The following PTPRA variants were observed in gnomAD, a reference collection of about 807,000 sequenced individuals.
PTPRA encodes receptor-type tyrosine-protein phosphatase alpha.
Under a neutral mutation model 104.8 loss-of-function variants are expected in PTPRA, and 25 were observed. The ratio of observed to expected loss-of-function variants is 0.24; its 90% CI spans 0.17 to 0.33. The LOEUF (loss-of-function observed/expected upper bound fraction) is 0.33. Among genes scored for constraint, PTPRA ranks in the 10% least tolerant of loss-of-function variants. The pLI is 1.00. For missense variants in PTPRA, 765 were observed against 1,015.3 expected, an observed-to-expected ratio of 0.75 and a Z score of 3.35; for synonymous variants, 323 against 368.9, an observed-to-expected ratio of 0.88 and a Z score of 1.43.
chr20:3,021,433 T>C lies in PTPRA; in HGVS notation c.1161+5T>C. ...CGGAAGTTCTGCATCCAGCAGGTAGTGTCTCCTCTGTCCTTTCTCAGTTCT... is the reference window on the plus strand; with the variant it reads ...CGGAAGTTCTGCATCCAGCAGGTAGCGTCTCCTCTGTCCTTTCTCAGTTCT... On this transcript the variant is annotated splice_donor_5th_base_variant and intron_variant, in intron 14 of 23. Coordinates refer to ENST00000399903, the MANE Select transcript of PTPRA (RefSeq NM_001385305.1). The C allele has an allele frequency of 1.2e-6, 2 of 1,613,892 alleles. No homozygotes were observed. Among genetic ancestry groups the C allele is most frequent in the Non-Finnish European group, 1.7e-6 (2 of 1,179,818 alleles).
Position 2,923,228 on chromosome 20 carries a change from A to G in PTPRA, c.-107A>G. The stretch of plus-strand genomic sequence containing the variant: ...GCAGGTGACACAACTAAAAAAAAAC[A>G]AAGGTATTTATGGAATTCCACTGAG... On this transcript the variant is annotated 5_prime_UTR_variant, in exon 2 of 24. Coordinates refer to ENST00000399903, the MANE Select transcript of PTPRA (RefSeq NM_001385305.1). 1.6e-6 allele frequency: 2 copies of G among 1,260,394 alleles called. No homozygotes were observed. The highest frequency in any genetic ancestry group is 2.1e-6 in the Non-Finnish European group (2 of 973,386). 78.1% of individuals were successfully genotyped at this position (1,260,394 alleles called of 1,614,324 possible).
intron 5 of PTPRA, among the ~76,000 whole-genome samples, chr20:2,970,532 A>G (rs1393853765): frequency 1.3e-5 from 2 of 151,992 alleles, no homozygotes; most frequent in African/African-American, 4.8e-5. Flanking sequence ...TTCTTTACCC[A>G]TTTTTATTAG....
At chr20:2,959,170 T>A (rs1187013120) in intron 3 of PTPRA, among the ~76,000 whole-genome samples, 1 of 152,210 alleles carries the variant, frequency 6.6e-6, no homozygotes, top group Non-Finnish European at 1.5e-5. Context: ...TAACTTCTGA[T>A]GTGTCTTTTC....
intron 9 of PTPRA, among the ~76,000 whole-genome samples, chr20:2,995,697 T>C (rs1261582216): frequency 6.6e-6 from 1 of 152,294 alleles, no homozygotes; most frequent in African/African-American, 2.4e-5. Context: ...ACTCGCAAAA[T>C]TTGGAAACCT....
chr20:2,864,263 A>G, the PTPRA span: 3 of 1,614,112 alleles, frequency 1.9e-6, no homozygotes, highest in Non-Finnish European at 8.5e-7. This position sits in a 1 kb window ranked among gnomAD's most constrained non-coding sequence, Gnocchi z 5.2. Flanking sequence ...AAGCAAGGCC[A>G]TCGAGAGCGG....
Position 3,035,825 on chromosome 20 carries a change from C to T in PTPRA, c.2082C>T (p.Phe694=), listed in dbSNP as rs1364023000. The T allele has an allele frequency of 6.2e-7, 1 of 1,614,222 alleles. No homozygotes were observed. The highest frequency in any genetic ancestry group is 8.5e-7 in the Non-Finnish European group (1 of 1,180,038). The change falls in exon 22 of 24, where the codon TTC becomes TTT. Residue 694 remains phenylalanine, a synonymous_variant. Coordinates refer to ENST00000399903, the MANE Select transcript of PTPRA (RefSeq NM_001385305.1). The surrounding 1 kb of genome is among the most constrained non-coding windows in gnomAD (Gnocchi z 5.8). ...GCCGGCAGATCCGGCAGTTCCACTT[C>T]CATGGCTGGCCTGAAGTGGGCATCC... ...NKSRQIRQFH[F]HGWPEVGIPS... is the part of the protein sequence containing the mutation.
At chr20:2,897,049 G>A (rs1439224234) in intron 1 of PTPRA, among the ~76,000 whole-genome samples, 2 of 152,176 alleles carry the variant, frequency 1.3e-5, no homozygotes, top group African/African-American at 4.8e-5. Flanking sequence ...CCAAAGACAC[G>A]ATATTATGTT....
chr20:2,959,873 C>T (rs2061684544), intron 3 of PTPRA, among the ~76,000 whole-genome samples: 1 of 152,124 alleles, frequency 6.6e-6, no homozygotes, highest in African/African-American at 2.4e-5. Flanking sequence ...ATCTCTTGAA[C>T]CTGGGAGGTG....
chr20:2,969,978 T>TAATAAATAAACA (rs2062115836), intron 5 of PTPRA, among the ~76,000 whole-genome samples: 1 of 149,990 alleles, frequency 6.7e-6, no homozygotes, highest in Admixed American at 6.6e-5. Flanking sequence ...TCTAAATAAA[T>TAATAAATAAACA]AATAAATAAA....
intron 2 of PTPRA, among the ~76,000 whole-genome samples, chr20:2,947,725 C>T (rs1241212688): frequency 6.6e-6 from 1 of 152,126 alleles, no homozygotes; most frequent in Non-Finnish European, 1.5e-5. Context: ...ATGAACAACC[C>T]CCCTGGAAAG....
chr20:2,940,707 AATT>A (rs2060879709), intron 2 of PTPRA, among the ~76,000 whole-genome samples: 1 of 152,200 alleles, frequency 6.6e-6, no homozygotes, highest in Non-Finnish European at 1.5e-5. Context: ...GAAAAAAAGA[AATT>A]ATATGAAATT....
intron 1 of PTPRA, among the ~76,000 whole-genome samples, chr20:2,907,020 A>G (rs548654040): frequency 3.3e-5 from 5 of 152,308 alleles, no homozygotes; most frequent in African/African-American, 1.2e-4. Context: ...AAGAAACTAT[A>G]TCCACTGCAA....
chr20:2,943,214 C>A lies in PTPRA; in HGVS notation c.-49-4768C>A, dbSNP rs980991034. On this transcript the variant is annotated intron_variant, in intron 2 of 23. Coordinates refer to ENST00000399903, the MANE Select transcript of PTPRA (RefSeq NM_001385305.1). ...GGGAGTCTTGGAACATATCCCCCCA[C>A]CCCCCCCCCAGATAAGGGGGTAGTA... Among the ~76,000 whole-genome samples, 14 of 36,382 alleles carry A rather than the reference C, an allele frequency of 3.8e-4. No homozygotes were observed. In the East Asian group the frequency reaches 6.8e-3, roughly 18 times the overall value. 23.9% of individuals were successfully genotyped at this position (36,382 alleles called of 152,430 possible). A position where few individuals can be genotyped will look rare whatever the true frequency, so the allele number is the denominator to read the frequency against.
chr20:2,987,170 A>G (rs1465268080), intron 7 of PTPRA, among the ~76,000 whole-genome samples: 1 of 152,032 alleles, frequency 6.6e-6, no homozygotes, highest in African/African-American at 2.4e-5. Flanking sequence ...CAGGTGTTAC[A>G]GGATCTCTAG....
intron 9 of PTPRA, among the ~76,000 whole-genome samples, chr20:3,000,660 G>A (rs2063586639): frequency 6.6e-6 from 1 of 152,008 alleles, no homozygotes; most frequent in South Asian, 2.1e-4. Context: ...GAATGGATAA[G>A]TAAATTTTAA....
intron 1 of PTPRA, among the ~76,000 whole-genome samples, chr20:2,905,091 C>T (rs2059375142): frequency 6.6e-6 from 1 of 152,162 alleles, no homozygotes; most frequent in Non-Finnish European, 1.5e-5. Flanking sequence ...CATAGGAGCA[C>T]AAACCCTACT....
At chr20:2,945,496 AC>A (rs2061090345) in intron 2 of PTPRA, among the ~76,000 whole-genome samples, 1 of 151,994 alleles carries the variant, frequency 6.6e-6, no homozygotes, top group Non-Finnish European at 1.5e-5. Flanking sequence ...TGTGTGGAGT[AC>A]TTTGCTAGAT....
In PTPRA at chr20:2,883,608, C is replaced by T. The variant is rs1163313294; in HGVS notation, c.-129+9848C>T. 4.2e-3 allele frequency among the ~76,000 whole-genome samples: 91 copies of T among 21,524 alleles called. 25 individuals carry two copies. In the South Asian group the frequency reaches 0.078, roughly 18 times the overall value. The allele number at this position is 21,524 out of a possible 152,430, so 14.1% of individuals were successfully genotyped here. ...CGGAGCTTGCAGTGAGCCGAGATCG[C>T]GCCACTGCACTCCAGCCTGGGCGAC... On this transcript the variant is annotated intron_variant, in intron 1 of 23. Transcript: ENST00000399903.
intron 2 of PTPRA, among the ~76,000 whole-genome samples, chr20:2,936,122 G>C (rs1032065322): frequency 6.6e-6 from 1 of 151,948 alleles, no homozygotes; most frequent in African/African-American, 2.4e-5. Context: ...GCCTCCCAAA[G>C]TGCTGACATT....
Sources: gnomAD v4.1 joint callset for allele counts (sites outside exome capture counted in the v4.1 genomes callset) on GRCh38, gnomAD v4.1.1 for gene constraint, Gnocchi (gnomAD v3.1) non-coding constraint, MANE v1.5 for transcripts, NCBI Gene and HGNC (gene_info 2026-07-23, HGNC 2026-07-21) for gene names.